Variants in SEC13 observed in about 807,000 individuals in gnomAD.
The protein encoded by SEC13 is SEC13 homolog, nuclear pore and COPII component, also known as protein SEC13 homolog.
A neutral mutation model predicts 49.2 loss-of-function variants in SEC13; 25 were observed. The observed-to-expected ratio is 0.51, with a 90% CI of 0.37 to 0.71. The LOEUF (loss-of-function observed/expected upper bound fraction) is 0.71, where lower values mean the gene tolerates loss of function less well. SEC13 is among the 30% of genes least tolerant of loss of function. SEC13 has a pLI of 0.00. For synonymous variants in SEC13, 148 were observed against 163.9 expected (o/e 0.90, Z 0.74); for missense variants, 383 against 417.6 (o/e 0.92, Z 0.72).
At position 10,301,216 on chromosome 3, in the gene SEC13, C is replaced by T. The variant is rs760893683; in HGVS notation, c.*45G>A. 6 of 1,613,990 alleles carry T rather than the reference C, an allele frequency of 3.7e-6. No homozygotes were observed. Among genetic ancestry groups the T allele is most frequent in the Non-Finnish European group, 5.1e-6 (6 of 1,179,996 alleles). ...TCTGGTTAGTTGGCCCAGGAAGGGG[C>T]AGTCCTGGAGCTGGCGGGTGGGGAG... On this transcript the variant is annotated 3_prime_UTR_variant, in exon 9 of 9. Coordinates refer to ENST00000350697, the MANE Select transcript of SEC13 (RefSeq NM_183352.3).
chr3:10,312,310 G>A (rs1473147841), intron 4 of SEC13, among the ~76,000 whole-genome samples: 2 of 152,208 alleles, frequency 1.3e-5, no homozygotes, highest in African/African-American at 4.8e-5. Context: ...TAACAAAAAA[G>A]TGGGTAGGAA....
chr3:10,304,940 A>ACCTTCCCAGAGGACTTTCT, intron 7 of SEC13, 93 bp downstream of exon 7: 1 of 1,586,314 alleles, frequency 6.3e-7, no homozygotes, highest in Non-Finnish European at 8.6e-7. Context: ...CTCTCCCTTT[A>ACCTTCCCAGAGGACTTTCT]CCTTCCCAGA....
At position 10,305,036 on chromosome 3, in the gene SEC13, G is replaced by A; in HGVS notation, c.705C>T (p.Ser235=). The A allele has an allele frequency of 6.2e-7, 1 of 1,614,106 alleles. No individual in the cohort carries two copies. Among genetic ancestry groups the A allele is most frequent in the Non-Finnish European group, 8.5e-7 (1 of 1,180,036 alleles). The change falls in exon 7 of 9, where the codon TCC becomes TCT. Residue 235 remains serine (S), a synonymous_variant. Coordinates refer to ENST00000350697, the MANE Select transcript of SEC13 (RefSeq NM_183352.3). Reference sequence around the variant, plus strand: ...ATACTCATGGCCCTGGGCTGACCTGGGAGCAGCTGGCGATGGTGCTGGTGG... The same window carrying A: ...ATACTCATGGCCCTGGGCTGACCTGAGAGCAGCTGGCGATGGTGCTGGTGG... The part of the protein sequence containing the change: ...GLPTSTIASC[S]QDGRVFIWTC...
intron 8 of SEC13, among the ~76,000 whole-genome samples, chr3:10,301,928 AT>A (rs1257377662): frequency 6.6e-6 from 1 of 151,980 alleles, no homozygotes; most frequent in African/African-American, 2.4e-5. Flanking sequence ...TGGAGAGAAA[AT>A]TAGGAGGCTG....
At position 10,304,018 on chromosome 3, in the gene SEC13, G is replaced by T. The variant is rs368418547; in HGVS notation, c.855+8C>A. 2 of 1,613,866 alleles carry T rather than the reference G, an allele frequency of 1.2e-6. No individual in the cohort carries two copies. Among genetic ancestry groups the T allele is most frequent in the South Asian group, 2.2e-5 (2 of 91,064 alleles). On this transcript the variant is annotated splice_region_variant and intron_variant, in intron 8 of 8. Transcript: ENST00000350697. Reference sequence around the variant, plus strand: ...GTGTCCACCATGCCACGGGGAATGGGTATGTACCTTATTGTCTCCACCAGA... The same window carrying T: ...GTGTCCACCATGCCACGGGGAATGGTTATGTACCTTATTGTCTCCACCAGA...
intron 3 of SEC13, chr3:10,313,534 A>G (rs1483144339): frequency 4.5e-6 from 2 of 445,952 alleles, no homozygotes; most frequent in African/African-American, 4.0e-5. Context: ...ATTAGCTATT[A>G]GTGCTGCTCC....
At chr3:10,308,266 C>G (rs1701014912) in intron 5 of SEC13, among the ~76,000 whole-genome samples, 1 of 152,164 alleles carries the variant, frequency 6.6e-6, no homozygotes, top group Admixed American at 6.5e-5. Context: ...TCGTGGTGAC[C>G]ATGGGCCTGC....
At chr3:10,313,380 A>G (rs908146986) in intron 3 of SEC13, 32 of 524,848 alleles carry the variant, frequency 6.1e-5, no homozygotes, top group African/African-American at 5.0e-4. Flanking sequence ...AGGAGACCAG[A>G]CCCATTCTCC....
chr3:10,315,510 CAG>C (rs1037759246), intron 2 of SEC13, 74 bp from the exon 3 acceptor site: 3 of 767,972 alleles, frequency 3.9e-6, no homozygotes, highest in Non-Finnish European at 4.4e-6. Context: ...TGTCACTACA[CAG>C]AGTCTAGTTT....
chr3:10,307,458 CAA>C (rs926472412), intron 5 of SEC13, among the ~76,000 whole-genome samples: 1 of 151,424 alleles, frequency 6.6e-6, no homozygotes, highest in Non-Finnish European at 1.5e-5. Flanking sequence ...GGGCAGTTTA[CAA>C]AAAAAAGAGA....
intron 3 of SEC13, among the ~76,000 whole-genome samples, chr3:10,314,752 A>C (rs1701497020): frequency 6.6e-6 from 1 of 152,226 alleles, no homozygotes; most frequent in African/African-American, 2.4e-5. Context: ...GGGCAGGTCA[A>C]ACATTTGTAA....
chr3:10,310,504 AAAAC>A (rs555356863), intron 5 of SEC13, among the ~76,000 whole-genome samples: 2 of 152,156 alleles, frequency 1.3e-5, no homozygotes, highest in African/African-American at 2.4e-5. Context: ...AAAACAGAAC[AAAAC>A]AAACCCAAAA....
rs753957435 is a variant in SEC13, at chr3:10,312,580, TGAG to T, written c.312_314del (p.Ser105del). ...GCTCTGCTGCCAAGCTCAGCATACC[TGAG>T]GAGTCGTGTCCCGCATGCTCGTGGC... On this transcript the variant is annotated inframe_deletion and splice_region_variant, in exon 4 of 9. Transcript: ENST00000350697. The T allele has an allele frequency of 9.3e-6, 15 of 1,614,122 alleles. No individual in the cohort carries two copies. The highest frequency in any genetic ancestry group is 1.6e-4 in the Middle Eastern group (1 of 6,062).
At chr3:10,316,651 T>G (rs1433256053) in intron 2 of SEC13, among the ~76,000 whole-genome samples, 2 of 152,210 alleles carry the variant, frequency 1.3e-5, no homozygotes, top group Non-Finnish European at 2.9e-5. Context: ...CTATGGGCCT[T>G]AGTTCCCTTA....
chr3:10,313,737 T>G (rs1701430751), intron 3 of SEC13: 2 of 186,534 alleles, frequency 1.1e-5, no homozygotes, highest in East Asian at 1.2e-4. Context: ...CCTCCAATAT[T>G]TCACATCCTT....
At chr3:10,308,829 A>C (rs1207242720) in intron 5 of SEC13, among the ~76,000 whole-genome samples, 2 of 130,478 alleles carry the variant, frequency 1.5e-5, no homozygotes, top group Non-Finnish European at 3.1e-5. Context: ...ACGGGGTCTC[A>C]CTATGTTGGC....
chr3:10,305,156 C>T lies in SEC13; in HGVS notation c.585G>A (p.Lys195=). The T allele has an allele frequency of 3.1e-6, 5 of 1,609,720 alleles. No homozygotes were observed. Among genetic ancestry groups the T allele is most frequent in the Non-Finnish European group, 4.2e-6 (5 of 1,177,626 alleles). The change falls in exon 7 of 9, where the codon AAG becomes AAA. Residue 195 remains lysine (K), a splice_region_variant and synonymous_variant. Coordinates refer to ENST00000350697, the MANE Select transcript of SEC13 (RefSeq NM_183352.3). ...CCTTCCACTGGCCGTCCTCCTCCTCCCTAACAGTGGGGACAGAAAGAGAAT... is the reference window on the plus strand; with the variant it reads ...CCTTCCACTGGCCGTCCTCCTCCTCTCTAACAGTGGGGACAGAAAGAGAAT... ...GGCDNLIKLW[K]EEEDGQWKEE...
intron 7 of SEC13, among the ~76,000 whole-genome samples, chr3:10,304,625 T>G (rs181113860): frequency 6.6e-6 from 1 of 152,258 alleles, no homozygotes; most frequent in African/African-American, 2.4e-5. Flanking sequence ...AGGGTGGTGG[T>G]GTATAACTGA....
intron 1 of SEC13, chr3:10,319,339 T>A: frequency 6.5e-7 from 1 of 1,535,292 alleles, no homozygotes; most frequent in Non-Finnish European, 8.7e-7. Context: ...GTAAGGACAA[T>A]AAGGAGTTTC....
Sources: allele counts gnomAD v4.1 joint callset (sites outside exome capture counted in the v4.1 genomes callset), GRCh38; gene constraint gnomAD v4.1.1; transcripts MANE v1.5; gene names NCBI Gene and HGNC (gene_info 2026-07-23, HGNC 2026-07-21).